TRDMT1: variants seen among roughly 807,000 people sequenced by gnomAD.
TRDMT1 encodes tRNA (cytosine(38)-C(5))-methyltransferase.
A neutral mutation model predicts 51.2 loss-of-function variants in TRDMT1; 49 were observed. The ratio of observed to expected loss-of-function variants is 0.96; its 90% confidence interval spans 0.76 to 1.21. The LOEUF (loss-of-function observed/expected upper bound fraction) is 1.21. Among genes scored for constraint, TRDMT1 ranks in the 50% most tolerant of loss-of-function variants. The probability of loss-of-function intolerance (pLI) is 0.00; values close to 1 mark genes in which losing one functional copy is unlikely to be tolerated. For missense variants in TRDMT1, 534 were observed against 462.3 expected, an observed-to-expected ratio of 1.16 and a Z score of -1.42; for synonymous variants, 187 against 164.6, an observed-to-expected ratio of 1.14 and a Z score of -1.04.
At position 17,141,364 on chromosome 10, in the gene TRDMT1, G is replaced by A. The variant is rs1464252433; in HGVS notation, c.*7676C>T. Among the ~76,000 whole-genome samples the A allele has an allele frequency of 6.6e-6, 1 of 152,124 alleles. No individual in the cohort carries two copies. The highest frequency in any genetic ancestry group is 2.4e-5 in the African/African-American group (1 of 41,386). ...TTTAGTAGAGACGGGGTTTCACCATGTTGGAAAGGATGGTCTCTATCTCCT... is the reference window on the plus strand; with the variant it reads ...TTTAGTAGAGACGGGGTTTCACCATATTGGAAAGGATGGTCTCTATCTCCT... On this transcript the variant is annotated 3_prime_UTR_variant, in exon 11 of 11. Transcript: ENST00000377799.
At chr10:17,165,846 G>A (rs1391573739) in intron 3 of TRDMT1, among the ~76,000 whole-genome samples, 1 of 152,162 alleles carries the variant, frequency 6.6e-6, no homozygotes, top group African/African-American at 2.4e-5. Flanking sequence ...AGTTAGAATG[G>A]CAATCATTAA....
At chr10:17,200,191 T>C (rs1319940572) in intron 1 of TRDMT1, among the ~76,000 whole-genome samples, 1 of 152,220 alleles carries the variant, frequency 6.6e-6, no homozygotes, top group Non-Finnish European at 1.5e-5. Flanking sequence ...TGTAGCACAC[T>C]GTACTTGCAA....
At position 17,159,243 on chromosome 10, in the gene TRDMT1, A is replaced by G; in HGVS notation, c.460-14T>C. 6.3e-7 allele frequency: 1 copy of G among 1,580,534 alleles called. No homozygotes were observed. The highest frequency in any genetic ancestry group is 8.6e-7 in the Non-Finnish European group (1 of 1,163,996). On this transcript the variant is annotated splice_polypyrimidine_tract_variant and intron_variant, in intron 6 of 10. Transcript: ENST00000377799. The stretch of plus-strand genomic sequence containing the variant: ...TGGAATGCCAAGCTGTAAGCAAAGC[A>G]AAGCAGTTAGTTACTCTAAAAAATT...
chr10:17,165,793 G>C (rs1841115310), intron 3 of TRDMT1, among the ~76,000 whole-genome samples: 1 of 152,342 alleles, frequency 6.6e-6, no homozygotes, highest in African/African-American at 2.4e-5. Flanking sequence ...CTGGCCATCA[G>C]AGAAATGCAA....
intron 1 of TRDMT1, among the ~76,000 whole-genome samples, chr10:17,175,492 G>T (rs1235494247): frequency 6.6e-6 from 1 of 152,082 alleles, no homozygotes; most frequent in Admixed American, 6.6e-5. Flanking sequence ...AACCAATTAT[G>T]TGCATGCCCT....
At chr10:17,152,327 G>A (rs1252093866) in intron 10 of TRDMT1, among the ~76,000 whole-genome samples, 1 of 152,000 alleles carries the variant, frequency 6.6e-6, no homozygotes, top group Non-Finnish European at 1.5e-5. Context: ...TGGTTGCTGC[G>A]ACTACACTCA....
chr10:17,177,180 T>TTTATTTATTTATTTA (rs148025405), intron 1 of TRDMT1, among the ~76,000 whole-genome samples: 1 of 141,496 alleles, frequency 7.1e-6, no homozygotes, highest in Admixed American at 7.1e-5. Flanking sequence ...AACACATTTA[T>TTTATTTATTTATTTA]TTTATTTATT....
rs549945555 is a variant in TRDMT1 at position 17,196,907 on chromosome 10, C to T, written c.64+4664G>A. 6.6e-5 allele frequency among the ~76,000 whole-genome samples: 10 copies of T among 152,268 alleles called. No individual in the cohort carries two copies. In the South Asian group the frequency reaches 2.1e-3, roughly 32 times the overall value. Reference sequence around the variant, plus strand: ...TAAACAAACGAGGAAACCCATCTTTCTGGCAAGGGAGGTGGTAAGAGGCAT... The same window carrying T: ...TAAACAAACGAGGAAACCCATCTTTTTGGCAAGGGAGGTGGTAAGAGGCAT... On this transcript the variant is annotated intron_variant, in intron 1 of 10. Coordinates refer to ENST00000377799, the MANE Select transcript of TRDMT1 (RefSeq NM_004412.7).
rs1015483400 is a variant in TRDMT1, at chr10:17,139,549, A to T, written c.*9491T>A. 6.9e-6 allele frequency among the ~76,000 whole-genome samples: 1 copy of T among 145,374 alleles called. No homozygotes were observed. The highest frequency in any genetic ancestry group is 1.5e-5 in the Non-Finnish European group (1 of 68,014). On this transcript the variant is annotated 3_prime_UTR_variant, in exon 11 of 11. Transcript: ENST00000377799. The stretch of plus-strand genomic sequence containing the variant: ...AAATGAAAAAAAAGAAAAAGAAAAC[A>T]AAGTTTGGGGATACCTGGCACTCTT...
Position 17,157,452 on chromosome 10 carries a change from G to T in TRDMT1, c.876C>A (p.Cys292Ter). 1 of 1,605,236 alleles carries T rather than the reference G, an allele frequency of 6.2e-7. No homozygotes were observed. The highest frequency in any genetic ancestry group is 8.5e-7 in the Non-Finnish European group (1 of 1,173,002). Reference sequence around the variant, plus strand: ...TCTTTAAAACCTACCCTTTGGTAAAGCACACGGACCTTCTACAAGTGGGCT... The same window carrying T: ...TCTTTAAAACCTACCCTTTGGTAAATCACACGGACCTTCTACAAGTGGGCT... The part of the protein sequence containing the change: ...IVQPTCRRSV[C>*]FTKGYGSYIE... Residue 292 changes from cysteine to a stop codon, truncating the protein, a stop_gained, in exon 8 of 11, where the codon TGC becomes TGA. Transcript: ENST00000377799. LOFTEE classifies it high-confidence loss of function.
rs1206878490 is a variant in TRDMT1 at position 17,141,363 on chromosome 10, T to C, written c.*7677A>G. Among the ~76,000 whole-genome samples, 1 of 152,172 alleles carries C rather than the reference T, an allele frequency of 6.6e-6. No homozygotes were observed. Among genetic ancestry groups the C allele is most frequent in the Non-Finnish European group, 1.5e-5 (1 of 68,032 alleles). On this transcript the variant is annotated 3_prime_UTR_variant, in exon 11 of 11. Coordinates refer to ENST00000377799, the MANE Select transcript of TRDMT1 (RefSeq NM_004412.7). ...TTTTAGTAGAGACGGGGTTTCACCA[T>C]GTTGGAAAGGATGGTCTCTATCTCC...
rs2131417607 is a variant in TRDMT1, at chr10:17,159,307, C to T, written c.460-78G>A. On this transcript the variant is annotated intron_variant, in intron 6 of 10. Coordinates refer to ENST00000377799, the MANE Select transcript of TRDMT1 (RefSeq NM_004412.7). The stretch of plus-strand genomic sequence containing the variant: ...CCAACTTTAGCACCAAGTTAAACAG[C>T]AACAACAAAAAACTCAAACGAGCCT... 2 of 1,039,682 alleles carry T rather than the reference C, an allele frequency of 1.9e-6. 1 individual carries two copies. The highest frequency in any genetic ancestry group is 5.1e-5 in the Admixed American group (2 of 38,860). 64.4% of individuals were successfully genotyped at this position (1,039,682 alleles called of 1,614,324 possible).
intron 1 of TRDMT1, among the ~76,000 whole-genome samples, chr10:17,194,753 T>C (rs1845151195): frequency 6.6e-6 from 1 of 152,022 alleles, no homozygotes; most frequent in South Asian, 2.1e-4. Context: ...GTCAACATGG[T>C]GAAACCCTGT....
chr10:17,175,408 C>T (rs148019835), intron 1 of TRDMT1, among the ~76,000 whole-genome samples: 1,655 of 152,078 alleles, frequency 0.011, 31 homozygotes, highest in African/African-American at 0.038. Context: ...TAATGTTAGC[C>T]GAAATTGGAA....
chr10:17,180,439 C>G (rs1843140270), intron 1 of TRDMT1, among the ~76,000 whole-genome samples: 2 of 150,510 alleles, frequency 1.3e-5, no homozygotes, highest in African/African-American at 4.9e-5. Flanking sequence ...TACTCAGGGC[C>G]TGAGGCAGAA....
At chr10:17,190,541 T>C (rs1844552384) in intron 1 of TRDMT1, among the ~76,000 whole-genome samples, 1 of 152,028 alleles carries the variant, frequency 6.6e-6, no homozygotes, top group Non-Finnish European at 1.5e-5. Flanking sequence ...TCAAAAGCCC[T>C]GATTATTTTG....
intron 9 of TRDMT1, 117 bp downstream of exon 9, chr10:17,154,560 A>C: frequency 1.8e-6 from 1 of 549,620 alleles, no homozygotes; most frequent in Non-Finnish European, 2.9e-6. Context: ...CATATGAATG[A>C]ATAAAATATA....
chr10:17,143,583 G>C lies in TRDMT1; in HGVS notation c.*5457C>G. 1.0e-6 allele frequency: 1 copy of C among 985,382 alleles called. No homozygotes were observed. The highest frequency in any genetic ancestry group is 1.2e-6 in the Non-Finnish European group (1 of 829,934). 61.0% of individuals were successfully genotyped at this position (985,382 alleles called of 1,614,324 possible). On this transcript the variant is annotated 3_prime_UTR_variant, in exon 11 of 11. Transcript: ENST00000377799. ...TTTTAGTAAAAACGACATTCATGCT[G>C]GATTAAATTTAGAAGGCTCAAATCT...
Position 17,162,245 on chromosome 10 carries a change from G to A in TRDMT1, c.252-8C>T. On this transcript the variant is annotated splice_region_variant and splice_polypyrimidine_tract_variant and intron_variant, in intron 3 of 10. Coordinates refer to ENST00000377799, the MANE Select transcript of TRDMT1 (RefSeq NM_004412.7). ...TCACCCTGCCGGCCAATCCTAAAGG[G>A]GTAAAAAAAAAAAAAAACAAAAAAA... 1 of 1,476,070 alleles carries A rather than the reference G, an allele frequency of 6.8e-7. No individual in the cohort carries two copies. 91.4% of individuals were successfully genotyped at this position (1,476,070 alleles called of 1,614,324 possible). A position where few individuals can be genotyped will look rare whatever the true frequency, so the allele number is the denominator to read the frequency against.
Sources: allele counts gnomAD v4.1 joint callset (sites outside exome capture counted in the v4.1 genomes callset), GRCh38; gene constraint gnomAD v4.1.1; transcripts MANE v1.5; gene names NCBI Gene and HGNC (gene_info 2026-07-23, HGNC 2026-07-21).